The following PPT1 variants were observed in gnomAD, a reference collection of about 807,000 sequenced individuals.
PPT1 encodes ceroid-palmitoyl-palmitoyl-protein thioesterase 1.
In PPT1, 24 loss-of-function variants were observed where a neutral mutation model predicts 44.0. The ratio of observed to expected loss-of-function variants is 0.54; its 90% confidence interval spans 0.39 to 0.77. The LOEUF is 0.77. PPT1 is among the 30% of genes least tolerant of loss of function. The pLI, the probability that PPT1 is intolerant of heterozygous loss-of-function variation, is 0.00. For synonymous variants in PPT1, 148 were observed against 140.2 expected, an observed-to-expected ratio of 1.06 and a Z score of -0.39; for missense variants, 341 against 378.8, an observed-to-expected ratio of 0.90 and a Z score of 0.83.
intron 5 of PPT1, among the ~76,000 whole-genome samples, chr1:40,084,323 A>C (rs1402298874): frequency 6.6e-6 from 1 of 152,118 alleles, no homozygotes; most frequent in African/African-American, 2.4e-5. Context: ...GATGGAATCT[A>C]CTCCTGGTGA....
intron 5 of PPT1, among the ~76,000 whole-genome samples, chr1:40,087,434 G>A (rs974042150): frequency 6.6e-6 from 1 of 151,888 alleles, no homozygotes; most frequent in African/African-American, 2.4e-5. Context: ...GTAGAGATGG[G>A]GTTTTGCCAT....
At position 40,092,125 on chromosome 1, in the gene PPT1, T is replaced by C. The variant is rs753828114; in HGVS notation, c.282A>G (p.Thr94=). The C allele has an allele frequency of 9.9e-6, 16 of 1,614,106 alleles. No homozygotes were observed. The South Asian group carries it at 1.6e-4, about 17-fold the overall frequency. Residue 94 remains threonine (T), a synonymous_variant, in exon 3 of 9, where the codon ACA becomes ACG. Coordinates refer to ENST00000642050, the MANE Select transcript of PPT1 (RefSeq NM_000310.4). ...FFLNVNSQVT[T]VCQALAKDPK... is the part of the protein sequence containing the mutation. ...GATCCTTAGCAAGTGCCTGACACAC[T>C]GTTGTTACTTGGGAATTGACATTCA...
intron 5 of PPT1, among the ~76,000 whole-genome samples, chr1:40,080,746 C>T (rs1448401346): frequency 2.6e-5 from 4 of 152,070 alleles, no homozygotes; most frequent in African/African-American, 4.8e-5. Context: ...CGGCGGCAGG[C>T]GCCTGTAATC....
At chr1:40,083,081 T>G (rs1005828973) in intron 5 of PPT1, among the ~76,000 whole-genome samples, 1 of 152,232 alleles carries the variant, frequency 6.6e-6, no homozygotes, top group Non-Finnish European at 1.5e-5. Flanking sequence ...CAGATCTGTT[T>G]ACAGTGTGGT....
chr1:40,076,237 G>A (rs1648621789), intron 8 of PPT1, among the ~76,000 whole-genome samples: 1 of 152,032 alleles, frequency 6.6e-6, no homozygotes, highest in South Asian at 2.1e-4. Flanking sequence ...GGCTGAGGTG[G>A]GTGGATCACC....
chr1:40,072,502 G>GACAA (rs1288384636), downstream of PPT1: 1 of 159,890 alleles, frequency 6.3e-6, no homozygotes, highest in African/African-American at 2.4e-5. Context: ...TTCCCTCTAG[G>GACAA]ACAAACACTT....
chr1:40,085,186 T>C (rs933371570), intron 5 of PPT1, among the ~76,000 whole-genome samples: 2 of 152,168 alleles, frequency 1.3e-5, no homozygotes, highest in African/African-American at 4.8e-5. Flanking sequence ...GGCTCTGCCT[T>C]TTAGATAGCA....
chr1:40,087,280 T>TG, intron 5 of PPT1, among the ~76,000 whole-genome samples: 1 of 152,102 alleles, frequency 6.6e-6, no homozygotes, highest in Non-Finnish European at 1.5e-5. Context: ...TCTCACTCTG[T>TG]CATCTAGGTT....
Position 40,073,886 on chromosome 1 carries a change from A to C in PPT1, c.*175T>G. 4.6e-6 allele frequency: 4 copies of C among 873,066 alleles called. No individual in the cohort carries two copies. The allele number at this position is 873,066 out of a possible 1,614,324, so 54.1% of individuals were successfully genotyped here. A position where few individuals can be genotyped will look rare whatever the true frequency, so the allele number is the denominator to read the frequency against. On this transcript the variant is annotated 3_prime_UTR_variant, in exon 9 of 9. Transcript: ENST00000642050. The stretch of plus-strand genomic sequence containing the variant: ...GCATTCAACACCATATGGTAACAGA[A>C]GATGGCAAAGGATAAGATTCAGATC...
chr1:40,079,448 G>A (rs1192492920), intron 6 of PPT1, among the ~76,000 whole-genome samples: 4 of 130,072 alleles, frequency 3.1e-5, no homozygotes, highest in African/African-American at 1.2e-4. Context: ...CGAGGCCAGA[G>A]TGCAGTGGCA....
chr1:40,090,266 C>G (rs184914181), intron 4 of PPT1, among the ~76,000 whole-genome samples: 8 of 152,298 alleles, frequency 5.3e-5, no homozygotes, highest in Non-Finnish European at 8.8e-5. Flanking sequence ...ATCCTCCAGC[C>G]TCAGCCTCCC....
chr1:40,082,742 G>A (rs1649031510), intron 5 of PPT1, among the ~76,000 whole-genome samples: 1 of 152,228 alleles, frequency 6.6e-6, no homozygotes, highest in South Asian at 2.1e-4. Context: ...AAGTGCTGAT[G>A]TAGAAGCTGC....
At chr1:40,094,032 A>T in intron 1 of PPT1, 1 of 698,226 alleles carries the variant, frequency 1.4e-6, no homozygotes, top group Non-Finnish European at 2.6e-6. Context: ...GTCTCAAAAA[A>T]ACCAAAAAGC....
chr1:40,096,435 G>T (rs1207794009), intron 1 of PPT1, among the ~76,000 whole-genome samples: 7 of 150,916 alleles, frequency 4.6e-5, no homozygotes, highest in Non-Finnish European at 7.4e-5. Flanking sequence ...CTGAAAATGG[G>T]AAACCCAAAA....
intron 5 of PPT1, among the ~76,000 whole-genome samples, chr1:40,088,511 A>G (rs1649384178): frequency 6.6e-6 from 1 of 152,246 alleles, no homozygotes; most frequent in Admixed American, 6.5e-5. Context: ...CTGATATACA[A>G]TTAAGTTTGG....
chr1:40,086,215 G>C lies in PPT1; in HGVS notation c.536+3195C>G, dbSNP rs72937458. Among the ~76,000 whole-genome samples, 1,382 of 152,322 alleles carry C rather than the reference G, an allele frequency of 9.1e-3. 20 individuals are homozygous for C. The highest frequency in any genetic ancestry group is 0.032 in the African/African-American group (1,318 of 41,560). ...ACTGAAGCATTCATTGTGGCAGGGA[G>C]TGTAGAGGTAGGAGGGTAGAGCGTG... On this transcript the variant is annotated intron_variant, in intron 5 of 8. Transcript: ENST00000642050.
At chr1:40,078,738 C>T in intron 6 of PPT1, 80 bp from the exon 7 acceptor site, 1 of 1,190,286 alleles carries the variant, frequency 8.4e-7, no homozygotes, top group Non-Finnish European at 1.2e-6. Flanking sequence ...GTTTTCTGGT[C>T]TCCCTGACCC....
At chr1:40,096,800 G>A in intron 1 of PPT1, 3 of 393,534 alleles carry the variant, frequency 7.6e-6, no homozygotes, top group Non-Finnish European at 1.4e-5. Context: ...ATAGCCAGCC[G>A]CAGCTCACCT....
In PPT1 at chr1:40,074,053, T is replaced by C. The variant is rs755603604; in HGVS notation, c.*8A>G. 3.1e-6 allele frequency: 5 copies of C among 1,614,010 alleles called. No homozygotes were observed. In the South Asian group the frequency reaches 3.3e-5, roughly 11 times the overall value. On this transcript the variant is annotated 3_prime_UTR_variant, in exon 9 of 9. Transcript: ENST00000642050. Reference sequence around the variant, plus strand: ...GCTCCCTGAGCTCTATTGTGAACTATACGGGTTTCATCCAAGGAATGGTAT... The same window carrying C: ...GCTCCCTGAGCTCTATTGTGAACTACACGGGTTTCATCCAAGGAATGGTAT...
Sources: allele counts gnomAD v4.1 joint callset (sites outside exome capture counted in the v4.1 genomes callset), GRCh38; gene constraint gnomAD v4.1.1; transcripts MANE v1.5; gene names NCBI Gene and HGNC (gene_info 2026-07-23, HGNC 2026-07-21).